The following UBAP2 variants were observed in gnomAD, a reference collection of about 807,000 sequenced individuals.
The protein encoded by UBAP2 is ubiquitin-associated protein 2.
Under a neutral mutation model 139.6 loss-of-function variants are expected in UBAP2, and 75 were observed. That is an observed-to-expected ratio of 0.54 (90% confidence interval 0.45 to 0.65). The LOEUF (loss-of-function observed/expected upper bound fraction) is 0.65, where lower values mean the gene tolerates loss of function less well. UBAP2 is among the 30% of genes least tolerant of loss of function. UBAP2 has a pLI of 0.00. For synonymous variants in UBAP2, 526 were observed against 526.2 expected (o/e 1.00, Z 0.01); for missense variants, 1,368 against 1,369.6 (o/e 1.00, Z 0.02).
chr9:33,940,420 C>T (rs72727346), intron 16 of UBAP2, among the ~76,000 whole-genome samples: 12,055 of 152,146 alleles, frequency 0.079, 687 homozygotes, highest in Non-Finnish European at 0.12. Flanking sequence ...CTTGGACATA[C>T]AGAGTTGTTG....
intron 10 of UBAP2, among the ~76,000 whole-genome samples, chr9:33,959,906 A>C (rs577657727): frequency 6.6e-6 from 1 of 152,198 alleles, no homozygotes; most frequent in Admixed American, 6.5e-5. Context: ...ATAAGCTTAA[A>C]AAAAAAATCA....
chr9:33,987,794 T>A (rs781224208), intron 5 of UBAP2, among the ~76,000 whole-genome samples: 1 of 152,208 alleles, frequency 6.6e-6, no homozygotes, highest in Non-Finnish European at 1.5e-5. Flanking sequence ...GCTCATTAAT[T>A]AGGTTCAAAG....
intron 6 of UBAP2, among the ~76,000 whole-genome samples, chr9:33,976,859 A>G (rs932905146): frequency 7.0e-6 from 1 of 143,256 alleles, no homozygotes; most frequent in African/African-American, 2.6e-5. Flanking sequence ...TATATATACA[A>G]AAATTAGCCA....
chr9:34,003,021 A>T (rs1200375880), intron 2 of UBAP2, among the ~76,000 whole-genome samples: 1 of 150,802 alleles, frequency 6.6e-6, no homozygotes, highest in Non-Finnish European at 1.5e-5. Flanking sequence ...TTTTATTACT[A>T]CTAAAACACT....
chr9:34,006,160 G>A (rs1823192773), intron 2 of UBAP2, among the ~76,000 whole-genome samples: 1 of 151,622 alleles, frequency 6.6e-6, no homozygotes, highest in Admixed American at 6.6e-5. Context: ...TTGAACCCGG[G>A]AGGCCAGAGG....
At chr9:34,004,740 C>T (rs1823034481) in intron 2 of UBAP2, among the ~76,000 whole-genome samples, 1 of 151,070 alleles carries the variant, frequency 6.6e-6, no homozygotes, top group African/African-American at 2.4e-5. Context: ...GCCGAGATAG[C>T]GCCACTGCAC....
chr9:33,992,347 C>T (rs943803969), intron 4 of UBAP2, among the ~76,000 whole-genome samples: 4 of 135,836 alleles, frequency 2.9e-5, no homozygotes, highest in African/African-American at 1.1e-4. Flanking sequence ...CGAGATCACG[C>T]CATTACTCTC....
intron 2 of UBAP2, among the ~76,000 whole-genome samples, chr9:34,005,645 G>A (rs1823140823): frequency 1.1e-5 from 1 of 94,792 alleles, no homozygotes; most frequent in Admixed American, 1.3e-4. Context: ...TTTTTTTCCT[G>A]TAAAAAGGAA....
intron 11 of UBAP2, 132 bp downstream of exon 11, chr9:33,955,947 G>A: frequency 1.6e-6 from 1 of 635,216 alleles, no homozygotes; most frequent in African/African-American, 1.8e-5. Context: ...CCAAGTAGTG[G>A]TAAAATAAAA....
rs1215795503 is a variant in UBAP2, at chr9:33,996,264, T to G, written c.247A>C (p.Asn83His). 1 of 1,613,626 alleles carries G rather than the reference T, an allele frequency of 6.2e-7. No homozygotes were observed. Among genetic ancestry groups the G allele is most frequent in the African/African-American group, 1.3e-5 (1 of 74,920 alleles). The change falls in exon 4 of 29, where the codon AAC becomes CAC. Residue 83 changes from asparagine to histidine, a missense_variant. By Grantham distance (68) the Asn-to-His change is moderately conservative. Coordinates refer to ENST00000379238, the MANE Select transcript of UBAP2 (RefSeq NM_001370062.2). Reference protein sequence around the residue: ...VALHDCNGDVNKAINILLEGN... With the variant: ...VALHDCNGDVHKAINILLEGN... ...TCCAGCAATATATTGATAGCTTTGT[T>G]CACATCTCCATTACAATCATGTAGG...
At chr9:34,043,699 T>C (rs1827296089) in intron 1 of UBAP2, among the ~76,000 whole-genome samples, 1 of 152,072 alleles carries the variant, frequency 6.6e-6, no homozygotes, top group African/African-American at 2.4e-5. Context: ...TCTCACTATA[T>C]TGCCCACGCT....
intron 22 of UBAP2, among the ~76,000 whole-genome samples, chr9:33,926,197 T>G (rs1258598748): frequency 6.6e-6 from 1 of 152,096 alleles, no homozygotes; most frequent in African/African-American, 2.4e-5. Flanking sequence ...TCACTGGCCA[T>G]CTCAGACCAA....
chr9:33,968,212 G>A (rs1260835778), intron 8 of UBAP2: 1 of 618,468 alleles, frequency 1.6e-6, no homozygotes, highest in Non-Finnish European at 3.2e-6. Flanking sequence ...ATTGGTACAG[G>A]ATTATGAAAC....
chr9:33,956,291 T>C, intron 10 of UBAP2, 145 bp from the exon 11 acceptor site: 2 of 526,716 alleles, frequency 3.8e-6, no homozygotes, highest in Non-Finnish European at 6.6e-6. Context: ...CAAGTGACCA[T>C]GACAAGTAAT....
At chr9:33,975,033 G>C (rs1395960742) in intron 6 of UBAP2, among the ~76,000 whole-genome samples, 1 of 152,088 alleles carries the variant, frequency 6.6e-6, no homozygotes, top group Non-Finnish European at 1.5e-5. Context: ...AAGATACTCA[G>C]TATTGCTGAT....
intron 2 of UBAP2, among the ~76,000 whole-genome samples, chr9:34,004,565 G>A (rs867485523): frequency 6.7e-6 from 1 of 149,142 alleles, no homozygotes; most frequent in African/African-American, 2.5e-5. Context: ...GGTGGATCAC[G>A]AGGTCAGGAG....
intron 13 of UBAP2, among the ~76,000 whole-genome samples, chr9:33,946,370 G>A (rs1042833834): frequency 3.9e-5 from 6 of 152,046 alleles, no homozygotes; most frequent in African/African-American, 1.2e-4. Context: ...ATTCTCCTGT[G>A]TTTTCTCTAT....
chr9:34,042,513 C>A (rs1827190159), intron 1 of UBAP2, among the ~76,000 whole-genome samples: 1 of 149,054 alleles, frequency 6.7e-6, no homozygotes, highest in African/African-American at 2.5e-5. Context: ...GTAGAACCTG[C>A]AGAGTGACTC....
intron 2 of UBAP2, among the ~76,000 whole-genome samples, chr9:34,000,657 A>G (rs941202271): frequency 6.6e-5 from 10 of 152,258 alleles, no homozygotes; most frequent in Admixed American, 5.2e-4. Context: ...AAGAAAAGCC[A>G]TAAGGAACTA....
Sources: allele counts gnomAD v4.1 joint callset (sites outside exome capture counted in the v4.1 genomes callset), GRCh38; gene constraint gnomAD v4.1.1; transcripts MANE v1.5; gene names NCBI Gene and HGNC (gene_info 2026-07-23, HGNC 2026-07-21).